Variants in GSK3B observed in about 807,000 individuals in gnomAD.
The protein encoded by GSK3B is glycogen synthase kinase 3 beta.
A neutral mutation model predicts 56.4 loss-of-function variants in GSK3B; 15 were observed. The ratio of observed to expected loss-of-function variants is 0.27; its 90% CI spans 0.18 to 0.41. The LOEUF is 0.41. Among genes scored for constraint, GSK3B ranks in the 10% least tolerant of loss-of-function variants. GSK3B has a pLI of 1.00. For missense variants in GSK3B, 300 were observed against 513.4 expected, an observed-to-expected ratio of 0.58 and a Z score of 4.02; for synonymous variants, 181 against 188.9, an observed-to-expected ratio of 0.96 and a Z score of 0.34.
intron 1 of GSK3B, among the ~76,000 whole-genome samples, chr3:120,007,547 C>A (rs1325810926): frequency 6.6e-6 from 1 of 152,140 alleles, no homozygotes; most frequent in Non-Finnish European, 1.5e-5. Context: ...AAACCAGCAG[C>A]ACATCAAAAA....
chr3:120,025,968 T>C (rs562242033), intron 1 of GSK3B, among the ~76,000 whole-genome samples: 1 of 152,318 alleles, frequency 6.6e-6, no homozygotes, highest in South Asian at 2.1e-4. Flanking sequence ...CCCTTTCAGC[T>C]CTGAAAGTAT....
At chr3:119,909,075 G>C (rs2056711338) in intron 6 of GSK3B, among the ~76,000 whole-genome samples, 1 of 152,170 alleles carries the variant, frequency 6.6e-6, no homozygotes, top group African/African-American at 2.4e-5. Flanking sequence ...CTGGAGTGCA[G>C]TGGTGGAGTC....
At chr3:120,013,233 A>G (rs1218009569) in intron 1 of GSK3B, among the ~76,000 whole-genome samples, 1 of 152,202 alleles carries the variant, frequency 6.6e-6, no homozygotes, top group Non-Finnish European at 1.5e-5. Context: ...GGATGTTTAA[A>G]TATTTCGTAG....
At chr3:119,898,224 A>T (rs983210127) in intron 7 of GSK3B, among the ~76,000 whole-genome samples, 1 of 152,174 alleles carries the variant, frequency 6.6e-6, no homozygotes, top group Non-Finnish European at 1.5e-5. Flanking sequence ...TAAAAATGAA[A>T]AACAGAATGG....
chr3:119,990,010 A>G (rs1339192071), intron 2 of GSK3B, among the ~76,000 whole-genome samples: 1 of 152,096 alleles, frequency 6.6e-6, no homozygotes, highest in Non-Finnish European at 1.5e-5. Flanking sequence ...ATCTTGGACA[A>G]GCCCCTCATT....
At chr3:119,919,496 C>G (rs935866726) in intron 4 of GSK3B, among the ~76,000 whole-genome samples, 1 of 141,376 alleles carries the variant, frequency 7.1e-6, no homozygotes, top group Admixed American at 7.5e-5. Context: ...GATCTGGCCT[C>G]TGAAAGCGCT....
chr3:120,090,101 G>A (rs1156445606), intron 1 of GSK3B, among the ~76,000 whole-genome samples: 2 of 151,868 alleles, frequency 1.3e-5, no homozygotes, highest in Non-Finnish European at 1.5e-5. Flanking sequence ...ATATATCAAA[G>A]ATTAATGGCT....
Position 120,044,839 on chromosome 3 carries a change from C to T in GSK3B, c.89-42600G>A, listed in dbSNP as rs759222093. On this transcript the variant is annotated intron_variant, in intron 1 of 10. Transcript: ENST00000264235. ...TGGAGTTTGTATTATAATGAAAACT[C>T]AATATTGTACCTTCATCCCAAACAA... is the stretch of plus-strand genomic sequence containing the variant. 2.7e-4 allele frequency among the ~76,000 whole-genome samples: 41 copies of T among 152,164 alleles called. 1 individual carries two copies. The highest frequency in any genetic ancestry group is 1.2e-4 in the Non-Finnish European group (8 of 68,028).
intron 1 of GSK3B, among the ~76,000 whole-genome samples, chr3:120,017,657 G>A (rs1365440495): frequency 6.6e-6 from 1 of 152,198 alleles, no homozygotes; most frequent in Non-Finnish European, 1.5e-5. Flanking sequence ...GAGGGGAGGA[G>A]AGAGGACAGG....
chr3:119,896,327 A>G (rs2056563183), intron 7 of GSK3B, among the ~76,000 whole-genome samples: 1 of 152,148 alleles, frequency 6.6e-6, no homozygotes, highest in Non-Finnish European at 1.5e-5. Context: ...TAGGAGTCAA[A>G]AGACCTTTTT....
intron 1 of GSK3B, among the ~76,000 whole-genome samples, chr3:120,071,953 A>G (rs2107565045): frequency 6.6e-6 from 1 of 152,256 alleles, no homozygotes; most frequent in South Asian, 2.1e-4. Context: ...TTAACAGAAA[A>G]CTGTATTTTT....
At chr3:119,907,503 T>A (rs1257957656) in intron 6 of GSK3B, among the ~76,000 whole-genome samples, 1 of 152,110 alleles carries the variant, frequency 6.6e-6, no homozygotes, top group Non-Finnish European at 1.5e-5. Context: ...AATCACTTTC[T>A]GGAGGACACT....
chr3:119,895,284 C>G (rs921376827), intron 7 of GSK3B, among the ~76,000 whole-genome samples: 1 of 152,108 alleles, frequency 6.6e-6, no homozygotes, highest in African/African-American at 2.4e-5. Flanking sequence ...AAGTAGTATT[C>G]CACTGTAGTG....
intron 8 of GSK3B, among the ~76,000 whole-genome samples, chr3:119,870,177 T>A (rs757864037): frequency 1.8e-4 from 27 of 152,128 alleles, no homozygotes; most frequent in Non-Finnish European, 3.4e-4. Context: ...CCCTCCACCA[T>A]CCTCACTGGA....
At chr3:119,906,854 G>GT (rs1046326913) in intron 6 of GSK3B, among the ~76,000 whole-genome samples, 3 of 152,214 alleles carry the variant, frequency 2.0e-5, no homozygotes, top group Middle Eastern at 3.4e-3. Context: ...AAGGTCTGAT[G>GT]TGGTGAGATG....
chr3:120,020,692 C>T (rs768854687), intron 1 of GSK3B, among the ~76,000 whole-genome samples: 1 of 152,088 alleles, frequency 6.6e-6, no homozygotes, highest in Non-Finnish European at 1.5e-5. Context: ...TCTAAGTGTT[C>T]AAGTGAGAGA....
intron 1 of GSK3B, among the ~76,000 whole-genome samples, chr3:120,074,750 A>G (rs1031706834): frequency 1.3e-5 from 2 of 152,208 alleles, no homozygotes; most frequent in Non-Finnish European, 2.9e-5. Flanking sequence ...TAACAAACAA[A>G]AAGATTGAAC....
intron 1 of GSK3B, among the ~76,000 whole-genome samples, chr3:120,042,198 C>T (rs1348237689): frequency 6.6e-6 from 1 of 152,172 alleles, no homozygotes; most frequent in African/African-American, 2.4e-5. Flanking sequence ...TTCTGAAATG[C>T]CTGTTCTCCA....
At chr3:120,011,859 A>G (rs892804853) in intron 1 of GSK3B, among the ~76,000 whole-genome samples, 2 of 152,228 alleles carry the variant, frequency 1.3e-5, no homozygotes, top group African/African-American at 2.4e-5. Flanking sequence ...ATTAATACCT[A>G]TAATAGATTA....
Sources: gnomAD v4.1 joint callset for allele counts (sites outside exome capture counted in the v4.1 genomes callset) on GRCh38, gnomAD v4.1.1 for gene constraint, MANE v1.5 for transcripts, NCBI Gene and HGNC (gene_info 2026-07-23, HGNC 2026-07-21) for gene names.